The following CSMD1 variants were observed in gnomAD, a reference collection of about 807,000 sequenced individuals.
CSMD1 encodes CUB and Sushi multiple domains 1.
Under a neutral mutation model 417.5 loss-of-function variants are expected in CSMD1, and 213 were observed. That is an observed-to-expected ratio of 0.51 (90% CI 0.46 to 0.57). CSMD1 has a LOEUF of 0.57. Ranked by LOEUF, CSMD1 falls within the 20% of genes least tolerant of loss-of-function variation. CSMD1 has a pLI of 0.00. For synonymous variants in CSMD1, 2,862 were observed against 1,736.8 expected (o/e 1.65, Z -16.11); for missense variants, 6,923 against 4,529.7 (o/e 1.53, Z -15.17).
chr8:4,193,057 T>G (rs546072286), intron 3 of CSMD1, among the ~76,000 whole-genome samples: 1 of 152,330 alleles, frequency 6.6e-6, no homozygotes, highest in Non-Finnish European at 1.5e-5. Context: ...ATTATGTATT[T>G]ATCTTATTTG....
chr8:4,692,791 C>T (rs1806854340), intron 1 of CSMD1, among the ~76,000 whole-genome samples: 1 of 152,138 alleles, frequency 6.6e-6, no homozygotes, highest in Non-Finnish European at 1.5e-5. Flanking sequence ...ACGGGCCCTC[C>T]CTGGAATTCT....
At chr8:3,869,362 A>G (rs1178189357) in intron 5 of CSMD1, among the ~76,000 whole-genome samples, 1 of 152,184 alleles carries the variant, frequency 6.6e-6, no homozygotes, top group Non-Finnish European at 1.5e-5. Flanking sequence ...TAATAAAATT[A>G]TATAATACAT....
chr8:3,221,583 CT>C (rs1008819829), intron 28 of CSMD1, among the ~76,000 whole-genome samples: 41 of 147,800 alleles, frequency 2.8e-4, no homozygotes, highest in Middle Eastern at 3.5e-3. Flanking sequence ...CATCTGCTCT[CT>C]TTTTTTTTTG....
At chr8:3,811,182 T>C (rs1036068307) in intron 5 of CSMD1, among the ~76,000 whole-genome samples, 37 of 152,188 alleles carry the variant, frequency 2.4e-4, no homozygotes, top group African/African-American at 8.7e-4. Context: ...CTGAATTCTT[T>C]TTCTATTCGA....
At chr8:3,848,755 C>G (rs906641065) in intron 5 of CSMD1, among the ~76,000 whole-genome samples, 3 of 151,954 alleles carry the variant, frequency 2.0e-5, no homozygotes, top group East Asian at 3.9e-4. Flanking sequence ...CTACATGTGT[C>G]TAATTATAAT....
chr8:4,068,134 C>G (rs1799352981), intron 3 of CSMD1, among the ~76,000 whole-genome samples: 1 of 152,016 alleles, frequency 6.6e-6, no homozygotes, highest in Admixed American at 6.6e-5. Context: ...CTTGCAGAGC[C>G]ACACAGAAGG....
chr8:4,469,296 G>A (rs773328017), intron 2 of CSMD1, among the ~76,000 whole-genome samples: 1 of 152,136 alleles, frequency 6.6e-6, no homozygotes, highest in Non-Finnish European at 1.5e-5. Context: ...TAGTCAGTGG[G>A]ACTTTCTCAT....
intron 2 of CSMD1, among the ~76,000 whole-genome samples, chr8:4,547,630 C>T (rs1342824657): frequency 6.6e-6 from 1 of 152,072 alleles, no homozygotes; most frequent in Non-Finnish European, 1.5e-5. Flanking sequence ...ATTAAAAAGA[C>T]TTAAACATTA....
intron 3 of CSMD1, among the ~76,000 whole-genome samples, chr8:4,349,194 A>C (rs1338739133): frequency 6.6e-6 from 1 of 152,208 alleles, no homozygotes; most frequent in Non-Finnish European, 1.5e-5. Context: ...CTAAGTGAAG[A>C]TTTTAATCAG....
At chr8:4,775,639 T>G (rs1459737467) in intron 1 of CSMD1, among the ~76,000 whole-genome samples, 1 of 152,184 alleles carries the variant, frequency 6.6e-6, no homozygotes, top group African/African-American at 2.4e-5. Flanking sequence ...ACAACACTTT[T>G]ATTTTCAAAA....
intron 5 of CSMD1, among the ~76,000 whole-genome samples, chr8:3,868,374 C>A (rs1221337825): frequency 6.6e-6 from 1 of 152,158 alleles, no homozygotes; most frequent in Non-Finnish European, 1.5e-5. Flanking sequence ...GTAGTGCCAT[C>A]TGCAGGCCAC....
At chr8:4,662,572 T>A (rs775353242) in intron 1 of CSMD1, among the ~76,000 whole-genome samples, 6 of 152,230 alleles carry the variant, frequency 3.9e-5, no homozygotes, top group Admixed American at 6.5e-5. Flanking sequence ...TGTAAAGATG[T>A]CATTCATGTG....
At chr8:4,035,909 G>A (rs572346662) in intron 3 of CSMD1, among the ~76,000 whole-genome samples, 4 of 152,156 alleles carry the variant, frequency 2.6e-5, no homozygotes, top group Admixed American at 1.3e-4. Context: ...CTCACACACA[G>A]ACTCACCCAG....
chr8:2,945,486 T>C (rs754806604), intron 68 of CSMD1, among the ~76,000 whole-genome samples: 5 of 151,502 alleles, frequency 3.3e-5, no homozygotes, highest in Non-Finnish European at 4.4e-5. Flanking sequence ...CTTTTGCCTA[T>C]ATCTACACAT....
intron 1 of CSMD1, among the ~76,000 whole-genome samples, chr8:4,907,483 C>G (rs1039683475): frequency 2.0e-5 from 3 of 151,984 alleles, no homozygotes. Flanking sequence ...ATATAAAAAT[C>G]CTAAACTCAT....
chr8:4,680,029 T>C (rs2130973348), intron 1 of CSMD1, among the ~76,000 whole-genome samples: 1 of 152,296 alleles, frequency 6.6e-6, no homozygotes, highest in East Asian at 1.9e-4. Flanking sequence ...TACTTTAATC[T>C]TAGCAATGTA....
In CSMD1 at chr8:3,290,640, G is replaced by A. The variant is rs77725635; in HGVS notation, c.3951-6294C>T. 3.8e-3 allele frequency among the ~76,000 whole-genome samples: 558 copies of A among 145,542 alleles called. 31 individuals carry two copies. The East Asian group carries it at 0.083, about 22-fold the overall frequency. Reference sequence around the variant, plus strand: ...GGCTCTCTGTTTGTCTGTTATTGGCGTATGAGAATAGTTGTGATTTTTGCA... The same window carrying A: ...GGCTCTCTGTTTGTCTGTTATTGGCATATGAGAATAGTTGTGATTTTTGCA... On this transcript the variant is annotated intron_variant, in intron 25 of 69. Coordinates refer to ENST00000635120, the MANE Select transcript of CSMD1 (RefSeq NM_033225.6).
chr8:4,557,398 C>T (rs1371469674), intron 2 of CSMD1, among the ~76,000 whole-genome samples: 1 of 150,348 alleles, frequency 6.7e-6, no homozygotes, highest in East Asian at 1.9e-4. Flanking sequence ...TAAGAATTCA[C>T]AGCATAGTAA....
At chr8:4,088,930 T>C (rs1362122242) in intron 3 of CSMD1, among the ~76,000 whole-genome samples, 1 of 152,196 alleles carries the variant, frequency 6.6e-6, no homozygotes, top group Non-Finnish European at 1.5e-5. Context: ...AGCACTCCCC[T>C]GCCAAGGTCT....
Sources: allele counts gnomAD v4.1 joint callset (sites outside exome capture counted in the v4.1 genomes callset), GRCh38; gene constraint gnomAD v4.1.1; transcripts MANE v1.5; gene names NCBI Gene and HGNC (gene_info 2026-07-23, HGNC 2026-07-21).